TP53BP2: variants seen among roughly 807,000 people sequenced by gnomAD.
TP53BP2 encodes apoptosis-stimulating of p53 protein 2.
TP53BP2 carries 62 observed loss-of-function variants against 126.2 expected under a neutral mutation model. The ratio of observed to expected loss-of-function variants is 0.49; its 90% CI spans 0.40 to 0.61. The LOEUF (loss-of-function observed/expected upper bound fraction) is 0.61, where lower values mean the gene tolerates loss of function less well. Among genes scored for constraint, TP53BP2 ranks in the 20% least tolerant of loss-of-function variants. The probability of loss-of-function intolerance (pLI) is 0.00; values close to 1 mark genes in which losing one functional copy is unlikely to be tolerated. For missense variants in TP53BP2, 1,215 were observed against 1,402.8 expected (o/e 0.87, Z 2.14); for synonymous variants, 485 against 502.9 (o/e 0.96, Z 0.48).
In TP53BP2 at chr1:223,796,968, C is replaced by T. The variant is rs181121319; in HGVS notation, c.1949-378G>A. On this transcript the variant is annotated intron_variant, in intron 12 of 17. Coordinates refer to ENST00000343537, the MANE Select transcript of TP53BP2 (RefSeq NM_001031685.3). This position sits in a 1 kb window ranked among gnomAD's most constrained non-coding sequence, Gnocchi z 4.2. The stretch of plus-strand genomic sequence containing the variant: ...GATTAAAACTAAACATGTACTATCC[C>T]ATCTTTCACTTTTCAAAAGTGAATC... 6.6e-6 allele frequency among the ~76,000 whole-genome samples: 1 copy of T among 152,308 alleles called. No individual in the cohort carries two copies. The highest frequency in any genetic ancestry group is 1.9e-4 in the East Asian group (1 of 5,190).
intron 1 of TP53BP2, among the ~76,000 whole-genome samples, chr1:223,824,545 A>G (rs1370182784): frequency 6.6e-6 from 1 of 152,200 alleles, no homozygotes; most frequent in Non-Finnish European, 1.5e-5. Context: ...TAGGCAAGTA[A>G]TGTCACCTCT....
At chr1:223,845,457 G>C (rs1664234862) in intron 1 of TP53BP2, among the ~76,000 whole-genome samples, 197 bp downstream of exon 1, 1 of 152,148 alleles carries the variant, frequency 6.6e-6, no homozygotes, top group Non-Finnish European at 1.5e-5. Context: ...GCGCCCCCAC[G>C]ACGGCTGTGG....
Position 223,802,177 on chromosome 1 carries a change from C to T in TP53BP2, c.1164G>A (p.Glu388=). 1 of 1,614,206 alleles carries T rather than the reference C, an allele frequency of 6.2e-7. No individual in the cohort carries two copies. The highest frequency in any genetic ancestry group is 8.5e-7 in the Non-Finnish European group (1 of 1,180,040). The change falls in exon 9 of 18, where the codon GAG becomes GAA. Residue 388 remains glutamate, a synonymous_variant. Coordinates refer to ENST00000343537, the MANE Select transcript of TP53BP2 (RefSeq NM_001031685.3). Reference sequence around the variant, plus strand: ...GCAGTGTCTGTATTTTCATCGGCCCCTCTGAAGCCTGAATGACCAAGGAAC... The same window carrying T: ...GCAGTGTCTGTATTTTCATCGGCCCTTCTGAAGCCTGAATGACCAAGGAAC... ...PDGSLVIQAS[E]GPMKIQTLPN...
rs1016834580 is a variant in TP53BP2, at chr1:223,845,924, G to A, written c.-244C>T. 7.8e-6 allele frequency: 2 copies of A among 256,960 alleles called. No homozygotes were observed. The highest frequency in any genetic ancestry group is 7.3e-5 in the East Asian group (1 of 13,628). The allele number at this position is 256,960 out of a possible 1,614,324, so 15.9% of individuals were successfully genotyped here. A position where few individuals can be genotyped will look rare whatever the true frequency, so the allele number is the denominator to read the frequency against. On this transcript the variant is annotated 5_prime_UTR_variant, in exon 1 of 18. Coordinates refer to ENST00000343537, the MANE Select transcript of TP53BP2 (RefSeq NM_001031685.3). ...TCTCTTCGACGCTCGTGACGGTCGGGGCTCCCTCCTCCGCTCCGAAACCAA... is the reference window on the plus strand; with the variant it reads ...TCTCTTCGACGCTCGTGACGGTCGGAGCTCCCTCCTCCGCTCCGAAACCAA...
intron 1 of TP53BP2, among the ~76,000 whole-genome samples, chr1:223,829,213 A>G (rs1663610585): frequency 6.6e-6 from 1 of 152,168 alleles, no homozygotes; most frequent in South Asian, 2.1e-4. Flanking sequence ...GTATACCTAT[A>G]GTCCAAGCTA....
intron 1 of TP53BP2, among the ~76,000 whole-genome samples, chr1:223,839,775 GA>G (rs1033355893): frequency 2.6e-5 from 4 of 151,590 alleles, no homozygotes; most frequent in Admixed American, 6.6e-5. Context: ...ACTAAAAATA[GA>G]AAAAAAAATT....
chr1:223,802,552 C>T (rs1662563391), intron 8 of TP53BP2, 179 bp downstream of exon 8: 1 of 875,384 alleles, frequency 1.1e-6, no homozygotes, highest in South Asian at 1.7e-5. Context: ...CAGAGCTACA[C>T]AGGTAATAAC....
intron 1 of TP53BP2, among the ~76,000 whole-genome samples, chr1:223,825,265 CA>C (rs1248291032): frequency 6.6e-6 from 1 of 152,258 alleles, no homozygotes; most frequent in African/African-American, 2.4e-5. Context: ...TTAAATCCTG[CA>C]AATGTGATTG....
In TP53BP2 at chr1:223,804,161, AG is replaced by A; in HGVS notation, c.649+12del. 1 of 1,593,670 alleles carries A rather than the reference AG, an allele frequency of 6.3e-7. No individual in the cohort carries two copies. Among genetic ancestry groups the A allele is most frequent in the Non-Finnish European group, 8.5e-7 (1 of 1,173,980 alleles). On this transcript the variant is annotated intron_variant, in intron 6 of 17. Transcript: ENST00000343537. ...AAATGTATAAAAAAGTAAATCTATGAGGAACAACTCACCAAGTTTCCCATTG... is the reference window on the plus strand; with the variant it reads ...AAATGTATAAAAAAGTAAATCTATGAGAACAACTCACCAAGTTTCCCATTG...
intron 1 of TP53BP2, among the ~76,000 whole-genome samples, chr1:223,842,353 TC>T (rs1043942853): frequency 1.8e-4 from 28 of 152,216 alleles, no homozygotes; most frequent in African/African-American, 5.8e-4. Context: ...TAAAATTAAC[TC>T]AGGTTCAGTT....
intron 9 of TP53BP2, 77 bp from the exon 10 acceptor site, chr1:223,800,887 T>A: frequency 1.9e-6 from 2 of 1,034,888 alleles, no homozygotes; most frequent in Non-Finnish European, 2.8e-6. Context: ...CTAAGACTTT[T>A]AATCTCTAAA....
chr1:223,845,139 C>T, intron 1 of TP53BP2: 1 of 609,556 alleles, frequency 1.6e-6, no homozygotes, highest in Non-Finnish European at 2.1e-6. Context: ...TCCGAGATTG[C>T]ATTTACCAAA....
Position 223,798,398 on chromosome 1 carries a change from G to A in TP53BP2, c.1765C>T (p.Arg589Trp), listed in dbSNP as rs767882716. 52 of 1,614,036 alleles carry A rather than the reference G, an allele frequency of 3.2e-5. No individual in the cohort carries two copies. Among genetic ancestry groups the A allele is most frequent in the Admixed American group, 5.0e-5 (3 of 59,992 alleles). The part of the protein sequence containing the change: ...KQESPPAAAV[R>W]PFTPQPSKDT... The stretch of plus-strand genomic sequence containing the variant: ...TTGGAAGGCTGGGGAGTAAAGGGCC[G>A]GACGGCAGCAGCAGGTGGACTTTCT... The change falls in exon 12 of 18, where the codon CGG becomes TGG. Residue 589 changes from arginine to tryptophan, a missense_variant. Arg to Trp is a moderately radical substitution (Grantham distance 101, BLOSUM62 -3). Transcript: ENST00000343537.
chr1:223,791,760 T>C (rs777752548), intron 15 of TP53BP2, among the ~76,000 whole-genome samples: 4 of 152,174 alleles, frequency 2.6e-5, no homozygotes, highest in Non-Finnish European at 4.4e-5. Context: ...AGTAACACAA[T>C]GTAACTTAAA....
chr1:223,844,316 T>C (rs1490456116), intron 1 of TP53BP2, among the ~76,000 whole-genome samples: 2 of 152,212 alleles, frequency 1.3e-5, no homozygotes, highest in Non-Finnish European at 1.5e-5. Flanking sequence ...CTCCAAAGGA[T>C]ACCTTGACAA....
chr1:223,804,390 G>C, intron 5 of TP53BP2, 42 bp from the exon 6 acceptor site: 1 of 1,578,912 alleles, frequency 6.3e-7, no homozygotes, highest in Non-Finnish European at 8.7e-7. Context: ...TTTTAGGTAA[G>C]TACACCACTA....
chr1:223,814,098 C>T, intron 3 of TP53BP2, 142 bp downstream of exon 3: 2 of 609,572 alleles, frequency 3.3e-6, no homozygotes, highest in East Asian at 2.8e-5. Flanking sequence ...CTTCTCCCCT[C>T]GACAGCCTAT....
intron 15 of TP53BP2, 32 bp downstream of exon 15, chr1:223,792,357 A>T: frequency 6.3e-7 from 1 of 1,576,746 alleles, no homozygotes; most frequent in East Asian, 2.3e-5. Context: ...CCCACAACTG[A>T]AGTTTGACTG....
At chr1:223,795,453 C>A (rs891343670) in intron 13 of TP53BP2, among the ~76,000 whole-genome samples, 39 of 151,998 alleles carry the variant, frequency 2.6e-4, no homozygotes, top group African/African-American at 9.4e-4. Context: ...GAAGTTATAC[C>A]ATCTGCCTGA....
Sources: gnomAD v4.1 joint callset for allele counts (sites outside exome capture counted in the v4.1 genomes callset) on GRCh38, gnomAD v4.1.1 for gene constraint, Gnocchi (gnomAD v3.1) non-coding constraint, MANE v1.5 for transcripts, NCBI Gene and HGNC (gene_info 2026-07-23, HGNC 2026-07-21) for gene names.